NBPF12: variants seen among roughly 807,000 people sequenced by gnomAD.
NBPF12 encodes NBPF family member NBPF12.
NBPF12 carries 115 observed loss-of-function variants against 146.4 expected under a neutral mutation model. That is an observed-to-expected ratio of 0.79 (90% CI 0.68 to 0.92). The LOEUF (loss-of-function observed/expected upper bound fraction) is 0.92. Ranked by LOEUF, NBPF12 falls within the 40% of genes least tolerant of loss-of-function variation. The probability of loss-of-function intolerance (pLI) is 0.00; values close to 1 mark genes in which losing one functional copy is unlikely to be tolerated. For synonymous variants in NBPF12, 385 were observed against 508.9 expected, an observed-to-expected ratio of 0.76 and a Z score of 3.28; for missense variants, 1,205 against 1,326.8, an observed-to-expected ratio of 0.91 and a Z score of 1.43.
At chr1:146,961,153 CAAACA>C (rs1359677221) in intron 4 of NBPF12, among the ~76,000 whole-genome samples, 2 of 151,996 alleles carry the variant, frequency 1.3e-5, no homozygotes, top group East Asian at 3.9e-4. Context: ...AAAAAACAAA[CAAACA>C]AAAGGATAAA....
intron 13 of NBPF12, among the ~76,000 whole-genome samples, chr1:146,971,660 C>T (rs1278590406): frequency 4.0e-5 from 6 of 150,034 alleles, no homozygotes; most frequent in South Asian, 2.1e-4. Flanking sequence ...CATGGTGCTG[C>T]GTGCCTATAG....
At chr1:146,966,649 C>T in exon 9 of NBPF12, 2 of 1,475,256 alleles carry the variant, frequency 1.4e-6, no homozygotes, top group Non-Finnish European at 9.5e-7. Flanking sequence ...GGCCGGCTTC[C>T]TGGCCAAGCA....
At chr1:146,941,310 C>A (rs1654792140) in intron 1 of NBPF12, among the ~76,000 whole-genome samples, 2 of 151,840 alleles carry the variant, frequency 1.3e-5, no homozygotes. Flanking sequence ...ATACGGAATT[C>A]CTGGGCTCAA....
chr1:146,972,557 G>T (rs1553886703), intron 13 of NBPF12, among the ~76,000 whole-genome samples, 194 bp from the exon 17 acceptor site: 6 of 151,196 alleles, frequency 4.0e-5, no homozygotes, highest in Non-Finnish European at 7.4e-5. Context: ...TTATGTCCTG[G>T]TTTCAAGGTG....
At chr1:146,969,688 G>C in intron 11 of NBPF12, 92 bp downstream of exon 14, 1 of 1,547,880 alleles carries the variant, frequency 6.5e-7, no homozygotes, top group Non-Finnish European at 8.9e-7. Flanking sequence ...TGTATCAGTG[G>C]GGTTTTTTTC....
intron 19 of NBPF12, among the ~76,000 whole-genome samples, chr1:146,980,643 G>A (rs1358082562): frequency 2.6e-5 from 4 of 151,944 alleles, no homozygotes; most frequent in Admixed American, 2.6e-4. Context: ...AGGTGCTGGA[G>A]AGGATGTGGA....
upstream of NBPF12, among the ~76,000 whole-genome samples, chr1:146,944,530 G>C (rs1326241260): frequency 6.7e-6 from 1 of 149,692 alleles, no homozygotes; most frequent in African/African-American, 2.5e-5. Flanking sequence ...GCGGCCTGGT[G>C]TTCTGGGATC....
chr1:146,961,603 G>A (rs1312312588), intron 4 of NBPF12, among the ~76,000 whole-genome samples: 133 of 150,678 alleles, frequency 8.8e-4, no homozygotes, highest in Non-Finnish European at 1.6e-3. Flanking sequence ...AAAGTATTTG[G>A]GCATATTTCC....
At chr1:146,965,961 A>G (rs1483548376) in intron 8 of NBPF12, among the ~76,000 whole-genome samples, 4 of 151,504 alleles carry the variant, frequency 2.6e-5, no homozygotes, top group African/African-American at 9.8e-5. Context: ...TACAAAAATT[A>G]GCTGTCATGT....
chr1:146,975,888 C>G (rs1656959252), exon 16 of NBPF12: 3 of 1,610,394 alleles, frequency 1.9e-6, no homozygotes, highest in Non-Finnish European at 2.5e-6. Context: ...AAAGCTCAGC[C>G]CAGGTAAGGT....
rs1655318303 is a variant in NBPF12 at position 146,951,381 on chromosome 1, A to G, written c.-292A>G. 1 of 629,486 alleles carries G rather than the reference A, an allele frequency of 1.6e-6. No individual in the cohort carries two copies. Among genetic ancestry groups the G allele is most frequent in the South Asian group, 1.9e-5 (1 of 52,330 alleles). 39.0% of individuals were successfully genotyped at this position (629,486 alleles called of 1,614,324 possible). ...GATAAGGATGGTCAAACAAAATAAT[A>G]TCATACCTGGAGAAACTCAGATCTT... On this transcript the variant is annotated 5_prime_UTR_variant, in exon 2 of 34. It adds an upstream start codon to the 5' untranslated region. Coordinates refer to ENST00000617844, the Ensembl canonical transcript of NBPF12.
upstream of NBPF12, among the ~76,000 whole-genome samples, chr1:146,948,399 A>G (rs2101818402): frequency 6.6e-6 from 1 of 151,928 alleles, no homozygotes; most frequent in African/African-American, 2.4e-5. Context: ...TTCTGTACTA[A>G]GAAAAATTCT....
chr1:146,943,037 G>A (rs1300281490), intron 1 of NBPF12, among the ~76,000 whole-genome samples: 2 of 136,846 alleles, frequency 1.5e-5, no homozygotes, highest in Admixed American at 7.9e-5. Flanking sequence ...GTAGCTGAGA[G>A]TGCAAGTGTG....
chr1:146,966,593 A>C (rs1363070771), exon 9 of NBPF12: 1 of 1,484,838 alleles, frequency 6.7e-7, no homozygotes, highest in East Asian at 2.3e-5. Context: ...GCAGAGAAGA[A>C]ACAGCAGTTC....
At position 146,971,032 on chromosome 1, in the gene NBPF12, G is replaced by C. The variant is rs1375823403; in HGVS notation, c.1380-151G>C. The stretch of plus-strand genomic sequence containing the variant: ...CAGCCATGCTCTGTTGCAGAGAGAA[G>C]AGGATTGCCTGTTCCCTCTTAAAGG... On this transcript the variant is annotated intron_variant, in intron 12 of 33. Coordinates refer to ENST00000617844, the Ensembl canonical transcript of NBPF12. The C allele has an allele frequency of 3.7e-5, 45 of 1,226,440 alleles. 2 individuals are homozygous for C. The African/African-American group carries it at 6.6e-4, about 18-fold the overall frequency. The allele number at this position is 1,226,440 out of a possible 1,614,324, so 76.0% of individuals were successfully genotyped here.
At chr1:146,967,310 G>T (rs1335737137) in intron 9 of NBPF12, among the ~76,000 whole-genome samples, 1 of 150,692 alleles carries the variant, frequency 6.6e-6, no homozygotes, top group Non-Finnish European at 1.5e-5. Flanking sequence ...AGACCAGCCT[G>T]GGCAACATGG....
chr1:146,957,860 G>T (rs1442526662), intron 2 of NBPF12, among the ~76,000 whole-genome samples: 1 of 84,648 alleles, frequency 1.2e-5, no homozygotes, highest in Non-Finnish European at 2.3e-5. Context: ...ATATATACAC[G>T]TGTTATATAT....
chr1:146,994,900 T>C (rs1478009576), exon 34 of NBPF12: 5 of 432,166 alleles, frequency 1.2e-5, no homozygotes, highest in African/African-American at 1.0e-4. Context: ...TCTGAGCTTC[T>C]ATACCTACTC....
At chr1:146,960,268 G>A in exon 4 of NBPF12, 1 of 1,405,908 alleles carries the variant, frequency 7.1e-7, no homozygotes, top group Non-Finnish European at 9.9e-7. Flanking sequence ...AAAGAGAGAT[G>A]TTTTCTAACT....
Sources: allele counts gnomAD v4.1 joint callset (sites outside exome capture counted in the v4.1 genomes callset), GRCh38; gene constraint gnomAD v4.1.1; transcripts MANE v1.5; gene names NCBI Gene and HGNC (gene_info 2026-07-23, HGNC 2026-07-21).